Variants in TRAF3 observed in about 807,000 individuals in gnomAD.
TRAF3 encodes the protein TNF receptor-associated factor 3.
TRAF3 carries 13 observed loss-of-function variants against 62.3 expected under a neutral mutation model. The ratio of observed to expected loss-of-function variants is 0.21; its 90% CI spans 0.14 to 0.33. TRAF3 has a LOEUF of 0.33. Ranked by LOEUF, TRAF3 falls within the 10% of genes least tolerant of loss-of-function variation. TRAF3 has a pLI of 1.00. For missense variants in TRAF3, 440 were observed against 741.8 expected, an observed-to-expected ratio of 0.59 and a Z score of 4.73; for synonymous variants, 269 against 283.4, an observed-to-expected ratio of 0.95 and a Z score of 0.51.
At chr14:102,845,767 C>T (rs1277861360) in intron 2 of TRAF3, among the ~76,000 whole-genome samples, 6 of 151,810 alleles carry the variant, frequency 4.0e-5, no homozygotes, top group Non-Finnish European at 7.4e-5. Flanking sequence ...CTGCCCGCCT[C>T]GGCCTCCCAA....
Position 102,903,155 on chromosome 14 carries a change from T to C in TRAF3, c.961-100T>C. The C allele has an allele frequency of 8.3e-6, 13 of 1,562,728 alleles. No individual in the cohort carries two copies. The highest frequency in any genetic ancestry group is 1.1e-5 in the Non-Finnish European group (13 of 1,135,148). ...GTGGCAGGCCTCATACAGGGGCCTC[T>C]GACTGTTCTGCTCCTAGCCTGTCTG... is the stretch of plus-strand genomic sequence containing the variant. On this transcript the variant is annotated intron_variant, in intron 10 of 11. Transcript: ENST00000392745. This position sits in a 1 kb window ranked among gnomAD's most constrained non-coding sequence, Gnocchi z 6.4.
intron 1 of TRAF3, among the ~76,000 whole-genome samples, chr14:102,805,207 C>G (rs1289302629): frequency 6.6e-6 from 1 of 152,176 alleles, no homozygotes; most frequent in East Asian, 1.9e-4. Flanking sequence ...ATCACCACTC[C>G]CATCATGGGG....
intron 7 of TRAF3, among the ~76,000 whole-genome samples, chr14:102,887,866 A>G (rs1164772844): frequency 6.6e-6 from 1 of 152,094 alleles, no homozygotes; most frequent in Non-Finnish European, 1.5e-5. Context: ...AGGTGCTAGG[A>G]TTACAGGTGT....
chr14:102,828,036 A>G lies in TRAF3; in HGVS notation c.-156-2298A>G, dbSNP rs1595337426. Among the ~76,000 whole-genome samples the G allele has an allele frequency of 2.0e-5, 3 of 152,270 alleles. No homozygotes were observed. The South Asian group carries it at 6.2e-4, about 31-fold the overall frequency. On this transcript the variant is annotated intron_variant, in intron 1 of 11. Coordinates refer to ENST00000392745, the MANE Select transcript of TRAF3 (RefSeq NM_145725.3). ...CCGGAGAGGGGGCGTCGTAGCGCAC[A>G]GCGCACTCGTTTCCGCATTCCCACC...
chr14:102,855,503 A>G (rs1887307891), intron 2 of TRAF3, among the ~76,000 whole-genome samples: 1 of 152,022 alleles, frequency 6.6e-6, no homozygotes, highest in Non-Finnish European at 1.5e-5. Context: ...TCCTTTTTTA[A>G]AAAAATTATA....
intron 1 of TRAF3, among the ~76,000 whole-genome samples, chr14:102,814,007 T>C (rs1241248813): frequency 6.6e-6 from 1 of 152,218 alleles, no homozygotes; most frequent in Non-Finnish European, 1.5e-5. Context: ...ATGAAGCATT[T>C]CCCCTATGTT....
At position 102,892,663 on chromosome 14, in the gene TRAF3, G is replaced by A. The variant is rs183292698; in HGVS notation, c.819+1246G>A. 1.5e-4 allele frequency among the ~76,000 whole-genome samples: 23 copies of A among 152,354 alleles called. No homozygotes were observed. The Middle Eastern group carries it at 0.014, about 90-fold the overall frequency. On this transcript the variant is annotated intron_variant, in intron 9 of 11. Coordinates refer to ENST00000392745, the MANE Select transcript of TRAF3 (RefSeq NM_145725.3). ...CCAGTGGAGTTGACATTTGAGTTTC[G>A]TAAAGATTTGAATGTCTTGTTTCCA...
chr14:102,859,841 G>GA (rs2036101175), intron 2 of TRAF3, among the ~76,000 whole-genome samples: 1 of 152,110 alleles, frequency 6.6e-6, no homozygotes, highest in Non-Finnish European at 1.5e-5. Flanking sequence ...CTTTATGGTG[G>GA]AGCCCTGGAG....
chr14:102,891,555 A>T, intron 9 of TRAF3, 138 bp downstream of exon 9: 1 of 949,862 alleles, frequency 1.1e-6, no homozygotes, highest in African/African-American at 1.7e-5. Flanking sequence ...ACTCTGTGTG[A>T]TCTTGAGCTT....
At chr14:102,846,638 TAAA>T (rs752922791) in intron 2 of TRAF3, among the ~76,000 whole-genome samples, 16 of 71,742 alleles carry the variant, frequency 2.2e-4, no homozygotes, top group Admixed American at 9.0e-4. Context: ...TCCAGCTTCT[TAAA>T]AAAAAAAAAA....
chr14:102,848,471 A>G (rs895343272), intron 2 of TRAF3, among the ~76,000 whole-genome samples: 3 of 152,202 alleles, frequency 2.0e-5, no homozygotes, highest in African/African-American at 7.2e-5. Context: ...AATGTTAAAA[A>G]TAAGTATAAG....
intron 3 of TRAF3, 95 bp downstream of exon 3, chr14:102,870,541 G>GT (rs1019400949): frequency 2.0e-6 from 3 of 1,518,592 alleles, no homozygotes; most frequent in Non-Finnish European, 2.7e-6. Context: ...ACCTCTAGAG[G>GT]TTTAAAGCCC....
intron 2 of TRAF3, among the ~76,000 whole-genome samples, chr14:102,868,923 A>G (rs190189996): frequency 5.4e-4 from 82 of 152,278 alleles, no homozygotes; most frequent in African/African-American, 1.9e-3. Context: ...GGAGCTGTTT[A>G]CTTTACCTGT....
intron 1 of TRAF3, among the ~76,000 whole-genome samples, chr14:102,803,713 A>G (rs1898588069): frequency 6.6e-6 from 1 of 151,742 alleles, no homozygotes; most frequent in Non-Finnish European, 1.5e-5. Flanking sequence ...GAAGTGGAAT[A>G]TCTTGTTGGG....
intron 9 of TRAF3, chr14:102,895,131 GA>G (rs1462678978): frequency 2.2e-6 from 1 of 455,790 alleles, no homozygotes; most frequent in Non-Finnish European, 4.4e-6. Context: ...GGAAATGAAT[GA>G]ATTGTTACTT....
chr14:102,881,821 A>AC (rs1208386998), intron 6 of TRAF3, among the ~76,000 whole-genome samples: 1 of 152,228 alleles, frequency 6.6e-6, no homozygotes, highest in African/African-American at 2.4e-5. Flanking sequence ...ATAGAATCCA[A>AC]CAACTGATTT....
chr14:102,812,070 A>G (rs1304637194), intron 1 of TRAF3, among the ~76,000 whole-genome samples: 1 of 151,276 alleles, frequency 6.6e-6, no homozygotes, highest in Non-Finnish European at 1.5e-5. Flanking sequence ...GCCTGAAGCT[A>G]TATATTATTG....
chr14:102,858,178 G>A (rs921738455), intron 2 of TRAF3, among the ~76,000 whole-genome samples: 1 of 149,372 alleles, frequency 6.7e-6, no homozygotes, highest in African/African-American at 2.5e-5. Flanking sequence ...TCTTGAGACA[G>A]TCTCACTCTG....
chr14:102,801,041 C>T (rs532343319), intron 1 of TRAF3, among the ~76,000 whole-genome samples: 1 of 152,272 alleles, frequency 6.6e-6, no homozygotes, highest in Non-Finnish European at 1.5e-5. Flanking sequence ...TGGCGGGCGC[C>T]TGTAGTCCCA....
Sources: allele counts gnomAD v4.1 joint callset (sites outside exome capture counted in the v4.1 genomes callset), GRCh38; gene constraint gnomAD v4.1.1; non-coding constraint Gnocchi (gnomAD v3.1); transcripts MANE v1.5; gene names NCBI Gene and HGNC (gene_info 2026-07-23, HGNC 2026-07-21).